The following CHODL variants were observed in gnomAD, a reference collection of about 807,000 sequenced individuals.
The protein encoded by CHODL is transmembrane protein MT75.
Under a neutral mutation model 34.5 loss-of-function variants are expected in CHODL, and 29 were observed. The ratio of observed to expected loss-of-function variants is 0.84; its 90% CI spans 0.63 to 1.15. CHODL has a LOEUF of 1.15. CHODL is among the 50% of genes most tolerant of loss of function. The pLI is 0.00. For missense variants in CHODL, 332 were observed against 332.5 expected, an observed-to-expected ratio of 1.00 and a Z score of 0.01; for synonymous variants, 125 against 116.1, an observed-to-expected ratio of 1.08 and a Z score of -0.49.
chr21:18,005,677 C>T (rs1186112812), intron 1 of CHODL, among the ~76,000 whole-genome samples: 2 of 152,210 alleles, frequency 1.3e-5, no homozygotes, highest in Non-Finnish European at 2.9e-5. Context: ...CACTGAGGTT[C>T]CTCCAAGAGC....
chr21:18,242,140 C>T (rs1168924976), upstream of CHODL, among the ~76,000 whole-genome samples: 3 of 152,132 alleles, frequency 2.0e-5, no homozygotes, highest in African/African-American at 7.2e-5. Context: ...AAAGTCTCTT[C>T]TCGCTTGCCC....
chr21:18,106,705 C>T (rs1376418027), intron 2 of CHODL, among the ~76,000 whole-genome samples: 1 of 152,054 alleles, frequency 6.6e-6, no homozygotes, highest in Non-Finnish European at 1.5e-5. Context: ...CCATGTTAGC[C>T]AGGATGGTCT....
chr21:17,948,628 A>G (rs1011056066), intron 1 of CHODL, among the ~76,000 whole-genome samples: 2 of 152,114 alleles, frequency 1.3e-5, no homozygotes, highest in Non-Finnish European at 2.9e-5. Flanking sequence ...ACAAACAATT[A>G]TATGCCAACA....
chr21:18,065,527 G>GC (rs566661960), intron 2 of CHODL, among the ~76,000 whole-genome samples: 1 of 152,154 alleles, frequency 6.6e-6, no homozygotes, highest in Non-Finnish European at 1.5e-5. Context: ...TCCCTGAAAA[G>GC]TACAGTATTA....
intron 2 of CHODL, among the ~76,000 whole-genome samples, chr21:18,101,402 G>T (rs1568886647): frequency 6.6e-6 from 1 of 152,066 alleles, no homozygotes; most frequent in African/African-American, 2.4e-5. Context: ...AGTTTTAAAG[G>T]TGTGCTTTAT....
chr21:17,995,439 C>T lies in CHODL; in HGVS notation c.-144-32433C>T, dbSNP rs181555942. 4.6e-3 allele frequency among the ~76,000 whole-genome samples: 707 copies of T among 152,266 alleles called. 8 individuals carry two copies. Among genetic ancestry groups the T allele is most frequent in the Admixed American group, 0.032 (489 of 15,304 alleles). ...TCTGAGCTTATGCCAGCCAGGCTGGCTATTTCACTTTCCTCTCCTTCTGTG... is the reference window on the plus strand; with the variant it reads ...TCTGAGCTTATGCCAGCCAGGCTGGTTATTTCACTTTCCTCTCCTTCTGTG... On this transcript the variant is annotated intron_variant, in intron 1 of 6. Transcript: ENST00000400127.
intron 2 of CHODL, among the ~76,000 whole-genome samples, chr21:18,235,345 G>A (rs900349536): frequency 2.6e-5 from 4 of 151,886 alleles, no homozygotes; most frequent in African/African-American, 9.7e-5. Context: ...TAGATTTTCT[G>A]CAAGTATATT....
intron 1 of CHODL, among the ~76,000 whole-genome samples, chr21:18,021,974 A>G (rs1490063724): frequency 6.6e-6 from 1 of 152,182 alleles, no homozygotes; most frequent in East Asian, 1.9e-4. Flanking sequence ...TTGGGAGGCA[A>G]TTAGGTTTAG....
At chr21:18,145,838 G>A (rs1219018964) in intron 2 of CHODL, among the ~76,000 whole-genome samples, 1 of 152,196 alleles carries the variant, frequency 6.6e-6, no homozygotes, top group East Asian at 1.9e-4. Context: ...TTACATAGAT[G>A]CATGTATATA....
intron 2 of CHODL, among the ~76,000 whole-genome samples, chr21:18,113,502 A>G (rs1052385385): frequency 1.3e-5 from 2 of 152,206 alleles, no homozygotes; most frequent in Admixed American, 6.5e-5. Flanking sequence ...AGAGGCTTCA[A>G]GAAACTTACA....
At chr21:18,100,944 A>G (rs2065205715) in intron 2 of CHODL, among the ~76,000 whole-genome samples, 1 of 152,116 alleles carries the variant, frequency 6.6e-6, no homozygotes, top group African/African-American at 2.4e-5. Flanking sequence ...CTGTCTACTC[A>G]GCAGTAAATT....
intron 2 of CHODL, among the ~76,000 whole-genome samples, chr21:18,095,021 G>A (rs962524350): frequency 6.6e-6 from 1 of 151,974 alleles, no homozygotes; most frequent in African/African-American, 2.4e-5. Context: ...CTACTCAGGA[G>A]GCTGAGGCAG....
At chr21:18,057,283 C>T (rs971534508) in intron 2 of CHODL, among the ~76,000 whole-genome samples, 1 of 152,006 alleles carries the variant, frequency 6.6e-6, no homozygotes, top group Non-Finnish European at 1.5e-5. Context: ...TATTTAATCT[C>T]TCTCTCCCTC....
At chr21:17,998,724 G>A (rs943727957) in intron 1 of CHODL, among the ~76,000 whole-genome samples, 79 of 152,350 alleles carry the variant, frequency 5.2e-4, no homozygotes, top group African/African-American at 1.9e-3. Context: ...GCCCCTTTCA[G>A]CCATGGCTGG....
At chr21:17,972,008 C>G (rs552312851) in intron 1 of CHODL, among the ~76,000 whole-genome samples, 1 of 152,252 alleles carries the variant, frequency 6.6e-6, no homozygotes, top group South Asian at 2.1e-4. Flanking sequence ...TGGTTCAACA[C>G]GTGCAAATCA....
At chr21:18,251,528 T>TAA (rs1568957520) in intron 1 of CHODL, among the ~76,000 whole-genome samples, 1 of 3,294 alleles carries the variant, frequency 3.0e-4, no homozygotes, top group African/African-American at 2.7e-3. Flanking sequence ...AATATTTATT[T>TAA]TATTTATTAT....
chr21:18,185,933 A>G (rs900123057), intron 2 of CHODL, among the ~76,000 whole-genome samples: 4 of 152,126 alleles, frequency 2.6e-5, no homozygotes, highest in African/African-American at 9.7e-5. Flanking sequence ...TCATCTCCCA[A>G]AGGTCCCACC....
intron 2 of CHODL, chr21:18,134,350 G>C (rs773071497): frequency 3.9e-6 from 2 of 517,708 alleles, no homozygotes; most frequent in Non-Finnish European, 7.7e-6. Flanking sequence ...TCACTTTTTA[G>C]TCCACTGAGT....
intron 2 of CHODL, among the ~76,000 whole-genome samples, chr21:18,084,560 G>T (rs1048659422): frequency 8.5e-5 from 13 of 152,140 alleles, no homozygotes; most frequent in African/African-American, 3.1e-4. Context: ...TAATTTCTAT[G>T]TATTTGTATA....
Sources: allele counts gnomAD v4.1 joint callset (sites outside exome capture counted in the v4.1 genomes callset), GRCh38; gene constraint gnomAD v4.1.1; transcripts MANE v1.5; gene names NCBI Gene and HGNC (gene_info 2026-07-23, HGNC 2026-07-21).